Variants in MACROD2 observed in about 807,000 individuals in gnomAD.
The protein encoded by MACROD2 is mono-ADP ribosylhydrolase 2, also known as ADP-ribose glycohydrolase MACROD2.
In MACROD2, 36 loss-of-function variants were observed where a neutral mutation model predicts 70.4. The ratio of observed to expected loss-of-function variants is 0.51; its 90% CI spans 0.39 to 0.68. The LOEUF is 0.68. Among genes scored for constraint, MACROD2 ranks in the 30% least tolerant of loss-of-function variants. The pLI, the probability that MACROD2 is intolerant of heterozygous loss-of-function variation, is 0.00. For missense variants in MACROD2, 496 were observed against 538.4 expected (o/e 0.92, Z 0.78); for synonymous variants, 172 against 178.8 (o/e 0.96, Z 0.30).
Position 14,985,468 on chromosome 20 carries a change from G to T in MACROD2, c.419-244472G>T, listed in dbSNP as rs1044352006. Reference sequence around the variant, plus strand: ...GGCCTCCCTTTGATTCAAGCAGTGGGGTGTGTAGAGGAAGCTCTGCATCCA... The same window carrying T: ...GGCCTCCCTTTGATTCAAGCAGTGGTGTGTGTAGAGGAAGCTCTGCATCCA... On this transcript the variant is annotated intron_variant, in intron 5 of 17. Coordinates refer to ENST00000684519, the MANE Select transcript of MACROD2 (RefSeq NM_001351661.2). Among the ~76,000 whole-genome samples, 3 of 152,192 alleles carry T rather than the reference G, an allele frequency of 2.0e-5. No homozygotes were observed. In the East Asian group the frequency reaches 5.8e-4, roughly 29 times the overall value.
intron 8 of MACROD2, among the ~76,000 whole-genome samples, chr20:15,845,409 C>G (rs984627865): frequency 6.6e-6 from 1 of 152,126 alleles, no homozygotes; most frequent in Non-Finnish European, 1.5e-5. Context: ...TTGCTCATTA[C>G]AGTTTGAAAA....
At chr20:15,976,677 G>A (rs1309146560) in intron 13 of MACROD2, among the ~76,000 whole-genome samples, 1 of 152,120 alleles carries the variant, frequency 6.6e-6, no homozygotes, top group Non-Finnish European at 1.5e-5. Context: ...AGCCTGCCTC[G>A]TTTTCAAAGC....
At chr20:14,456,266 G>C (rs1210848918) in intron 3 of MACROD2, among the ~76,000 whole-genome samples, 1 of 151,758 alleles carries the variant, frequency 6.6e-6, no homozygotes, top group Non-Finnish European at 1.5e-5. Context: ...ATAAGGTTAC[G>C]CATTTCACTT....
intron 12 of MACROD2, among the ~76,000 whole-genome samples, chr20:15,943,632 G>T (rs959163207): frequency 1.3e-5 from 2 of 152,146 alleles, no homozygotes; most frequent in African/African-American, 2.4e-5. Flanking sequence ...TTATAACAAT[G>T]TAGTCTTCAT....
chr20:15,769,566 G>A (rs969067175), intron 8 of MACROD2, among the ~76,000 whole-genome samples: 1 of 152,184 alleles, frequency 6.6e-6, no homozygotes, highest in African/African-American at 2.4e-5. Context: ...GAATAATTGT[G>A]CAATGATAAT....
intron 5 of MACROD2, among the ~76,000 whole-genome samples, chr20:15,038,278 C>T (rs1285205831): frequency 6.6e-6 from 1 of 152,050 alleles, no homozygotes; most frequent in Non-Finnish European, 1.5e-5. Context: ...TACTTCAAAA[C>T]TAGGTTATGT....
chr20:15,431,127 T>C (rs1421540494), intron 6 of MACROD2, among the ~76,000 whole-genome samples: 1 of 152,010 alleles, frequency 6.6e-6, no homozygotes, highest in African/African-American at 2.4e-5. Context: ...TCATTGTAGG[T>C]TTATATAATT....
intron 6 of MACROD2, among the ~76,000 whole-genome samples, chr20:15,354,445 A>G (rs934254143): frequency 2.6e-5 from 4 of 152,216 alleles, no homozygotes; most frequent in Non-Finnish European, 5.9e-5. Context: ...GCACATGTAT[A>G]CATATGTAAC....
intron 2 of MACROD2, among the ~76,000 whole-genome samples, chr20:14,079,979 TAG>T (rs1311900485): frequency 2.6e-5 from 4 of 152,106 alleles, no homozygotes; most frequent in African/African-American, 7.2e-5. Context: ...ACTGCTGTTA[TAG>T]GGTTCCCAGC....
chr20:14,990,716 A>G (rs976778104), intron 5 of MACROD2, among the ~76,000 whole-genome samples: 2 of 151,292 alleles, frequency 1.3e-5, no homozygotes, highest in Non-Finnish European at 3.0e-5. Flanking sequence ...GTTTCACCAT[A>G]TTGGCCAGGC....
At chr20:14,479,221 T>C (rs75844333) in intron 3 of MACROD2, among the ~76,000 whole-genome samples, 2,746 of 152,158 alleles carry the variant, frequency 0.018, 73 homozygotes, top group African/African-American at 0.062. Flanking sequence ...GTGCCTGTGC[T>C]CCCCAGCCAT....
intron 3 of MACROD2, among the ~76,000 whole-genome samples, chr20:14,330,672 G>A (rs2082819549): frequency 6.6e-6 from 1 of 152,062 alleles, no homozygotes; most frequent in African/African-American, 2.4e-5. Context: ...ATAGCAGTTA[G>A]CAGATGGATC....
At chr20:14,849,710 G>A (rs968683138) in intron 5 of MACROD2, among the ~76,000 whole-genome samples, 2 of 152,140 alleles carry the variant, frequency 1.3e-5, no homozygotes, top group Admixed American at 6.6e-5. Context: ...GAACCTGGGA[G>A]GTGGAGGTTG....
At chr20:15,045,672 A>G (rs1415383632) in intron 5 of MACROD2, among the ~76,000 whole-genome samples, 1 of 150,008 alleles carries the variant, frequency 6.7e-6, no homozygotes, top group African/African-American at 2.4e-5. Flanking sequence ...TAATCAAACA[A>G]ATTGGTTTAT....
intron 5 of MACROD2, among the ~76,000 whole-genome samples, chr20:14,998,026 A>G (rs2074964502): frequency 6.6e-6 from 1 of 152,190 alleles, no homozygotes; most frequent in Admixed American, 6.5e-5. Flanking sequence ...ATCAAAAATC[A>G]TAGCATCACT....
intron 5 of MACROD2, among the ~76,000 whole-genome samples, chr20:15,180,140 C>T (rs1482178954): frequency 6.6e-6 from 1 of 152,162 alleles, no homozygotes; most frequent in Admixed American, 6.5e-5. Context: ...TTTAACTTAA[C>T]CCCCTCTTTG....
intron 3 of MACROD2, among the ~76,000 whole-genome samples, chr20:14,259,507 G>A (rs1255242976): frequency 6.6e-6 from 1 of 152,076 alleles, no homozygotes; most frequent in African/African-American, 2.4e-5. Flanking sequence ...TTTACTGCAA[G>A]GGATTGTGAA....
intron 5 of MACROD2, among the ~76,000 whole-genome samples, chr20:14,918,057 C>G (rs1236874055): frequency 6.6e-6 from 1 of 152,030 alleles, no homozygotes; most frequent in African/African-American, 2.4e-5. Flanking sequence ...ACTTTAGCCT[C>G]GACCACCCCA....
chr20:14,757,691 G>T, intron 5 of MACROD2: 2 of 1,444,862 alleles, frequency 1.4e-6, no homozygotes, highest in South Asian at 1.1e-5. Context: ...CAACCTTCCT[G>T]TCATAAAGGC....
Sources: allele counts gnomAD v4.1 joint callset (sites outside exome capture counted in the v4.1 genomes callset), GRCh38; gene constraint gnomAD v4.1.1; transcripts MANE v1.5; gene names NCBI Gene and HGNC (gene_info 2026-07-23, HGNC 2026-07-21).